PTPRT: variants seen among roughly 807,000 people sequenced by gnomAD.
PTPRT encodes protein tyrosine phosphatase receptor type T.
In PTPRT, 56 loss-of-function variants were observed where a neutral mutation model predicts 176.8. That is an observed-to-expected ratio of 0.32 (90% confidence interval 0.26 to 0.40). The LOEUF (loss-of-function observed/expected upper bound fraction) is 0.40. Ranked by LOEUF, PTPRT falls within the 10% of genes least tolerant of loss-of-function variation. The pLI, the probability that PTPRT is intolerant of heterozygous loss-of-function variation, is 1.00. For missense variants in PTPRT, 1,540 were observed against 1,908.2 expected (o/e 0.81, Z 3.60); for synonymous variants, 783 against 739.0 (o/e 1.06, Z -0.96).
intron 1 of PTPRT, among the ~76,000 whole-genome samples, chr20:42,892,777 G>C (rs116354774): frequency 0.019 from 2,848 of 152,300 alleles, 100 homozygotes; most frequent in African/African-American, 0.065. Context: ...ACAGGACTGC[G>C]TCCCTCCAAC....
At chr20:42,674,324 T>A (rs771197779) in intron 7 of PTPRT, among the ~76,000 whole-genome samples, 43 of 152,350 alleles carry the variant, frequency 2.8e-4, no homozygotes, top group Non-Finnish European at 4.9e-4. Flanking sequence ...TTCCAACTCA[T>A]AATTTTTATA....
intron 1 of PTPRT, among the ~76,000 whole-genome samples, chr20:42,994,689 A>T (rs1984130936): frequency 1.3e-5 from 2 of 152,242 alleles, no homozygotes; most frequent in South Asian, 4.1e-4. Context: ...GAGCAGAATT[A>T]AAAATTCACA....
chr20:42,688,494 C>T (rs2075738003), intron 6 of PTPRT: 1 of 152,266 alleles, frequency 6.6e-6, no homozygotes, highest in Admixed American at 6.5e-5. Flanking sequence ...TAGCGTCCCA[C>T]TTTTGCACTG....
chr20:42,744,155 G>T (rs974973840), intron 6 of PTPRT, among the ~76,000 whole-genome samples: 1 of 152,168 alleles, frequency 6.6e-6, no homozygotes, highest in South Asian at 2.1e-4. Context: ...CCAGTCCTCC[G>T]ACTCCTAGTG....
chr20:42,965,813 C>A (rs1441152303), intron 1 of PTPRT, among the ~76,000 whole-genome samples: 2 of 152,142 alleles, frequency 1.3e-5, no homozygotes, highest in African/African-American at 4.8e-5. Context: ...ATTTAATTTT[C>A]TTTGGGGACA....
At chr20:42,535,278 C>T (rs1481458665) in intron 7 of PTPRT, among the ~76,000 whole-genome samples, 4 of 152,012 alleles carry the variant, frequency 2.6e-5, no homozygotes, top group African/African-American at 7.3e-5. Context: ...ATGATGAGTA[C>T]ATAGGGACAC....
At chr20:42,230,600 C>G (rs1269643499) in intron 15 of PTPRT, among the ~76,000 whole-genome samples, 1 of 152,184 alleles carries the variant, frequency 6.6e-6, no homozygotes. Context: ...AAAATACCTA[C>G]TGTGTGCCAG....
At chr20:42,260,977 C>A (rs1470145390) in intron 13 of PTPRT, among the ~76,000 whole-genome samples, 2 of 152,270 alleles carry the variant, frequency 1.3e-5, no homozygotes, top group East Asian at 1.9e-4. Context: ...AAAGGCACAG[C>A]CCTTAAAGCT....
chr20:43,065,939 C>T (rs944652448), intron 1 of PTPRT, among the ~76,000 whole-genome samples: 1 of 152,156 alleles, frequency 6.6e-6, no homozygotes, highest in Non-Finnish European at 1.5e-5. Context: ...AGCAAGAGAA[C>T]CAGGACTGGA....
chr20:42,771,359 A>C, intron 5 of PTPRT, 76 bp downstream of exon 5: 9 of 1,294,600 alleles, frequency 7.0e-6, no homozygotes, highest in African/African-American at 1.5e-5. Context: ...GTGTTGCCAT[A>C]GAGCTGCTTC....
At chr20:42,088,928 G>A (rs958319259) in intron 27 of PTPRT, among the ~76,000 whole-genome samples, 2 of 152,130 alleles carry the variant, frequency 1.3e-5, no homozygotes, top group Admixed American at 6.5e-5. Flanking sequence ...ATCCATCAGT[G>A]CTCAACAAAA....
At chr20:42,522,352 TTG>T (rs2072191171) in intron 7 of PTPRT, among the ~76,000 whole-genome samples, 1 of 151,966 alleles carries the variant, frequency 6.6e-6, no homozygotes, top group Non-Finnish European at 1.5e-5. Flanking sequence ...ATTTTTGTTG[TTG>T]TGTCTCATAT....
chr20:42,181,148 A>G (rs2223426), intron 16 of PTPRT, among the ~76,000 whole-genome samples: 46,630 of 152,152 alleles, frequency 0.31, 8,249 homozygotes, highest in East Asian at 0.37. Flanking sequence ...CCCTTAATAC[A>G]TAAGAGTAAA....
At position 42,881,838 on chromosome 20, in the gene PTPRT, A is replaced by G. The variant is rs1267163115; in HGVS notation, c.214+3969T>C. Among the ~76,000 whole-genome samples the G allele has an allele frequency of 2.0e-5, 3 of 152,160 alleles. No individual in the cohort carries two copies. In the East Asian group the frequency reaches 5.8e-4, roughly 29 times the overall value. On this transcript the variant is annotated intron_variant, in intron 2 of 30. Coordinates refer to ENST00000373187, the MANE Select transcript of PTPRT (RefSeq NM_007050.6). ...TTCTGGTGAGAAGGAACAAGGAACA[A>G]TATGTGCAAAGGACCCGTGCCAAGA...
intron 12 of PTPRT, among the ~76,000 whole-genome samples, chr20:42,300,140 C>T (rs2145305278): frequency 6.6e-6 from 1 of 151,688 alleles, no homozygotes; most frequent in Non-Finnish European, 1.5e-5. Flanking sequence ...TGCCTGTAAT[C>T]CCAGCTACTC....
chr20:42,619,044 T>G (rs2074137004), intron 7 of PTPRT, among the ~76,000 whole-genome samples: 1 of 150,724 alleles, frequency 6.6e-6, no homozygotes, highest in African/African-American at 2.5e-5. Flanking sequence ...CTCGATGGTC[T>G]TTACATTTTG....
intron 7 of PTPRT, among the ~76,000 whole-genome samples, chr20:42,658,880 A>G (rs1397657179): frequency 6.6e-6 from 1 of 152,160 alleles, no homozygotes; most frequent in Non-Finnish European, 1.5e-5. Flanking sequence ...TATTCATTAT[A>G]CATTGTTTTA....
intron 1 of PTPRT, among the ~76,000 whole-genome samples, chr20:42,943,448 G>C (rs1447884488): frequency 2.0e-5 from 3 of 152,270 alleles, no homozygotes; most frequent in East Asian, 3.9e-4. Flanking sequence ...CTAATGAGAA[G>C]AGCTGTCCAC....
chr20:42,872,191 A>G (rs2078856915), intron 2 of PTPRT, among the ~76,000 whole-genome samples: 1 of 152,278 alleles, frequency 6.6e-6, no homozygotes, highest in African/African-American at 2.4e-5. Context: ...CCAAACATAA[A>G]GTATGATCGT....
Sources: allele counts gnomAD v4.1 joint callset (sites outside exome capture counted in the v4.1 genomes callset), GRCh38; gene constraint gnomAD v4.1.1; transcripts MANE v1.5; gene names NCBI Gene and HGNC (gene_info 2026-07-23, HGNC 2026-07-21).